The following MARCHF3 variants were observed in gnomAD, a reference collection of about 807,000 sequenced individuals.
MARCHF3 encodes E3 ubiquitin-protein ligase MARCHF3.
A neutral mutation model predicts 24.2 loss-of-function variants in MARCHF3; 13 were observed. That is an observed-to-expected ratio of 0.54 (90% CI 0.35 to 0.85). The LOEUF (loss-of-function observed/expected upper bound fraction) is 0.85, where lower values mean the gene tolerates loss of function less well. MARCHF3 is among the 40% of genes least tolerant of loss of function. The pLI is 0.01. For synonymous variants in MARCHF3, 144 were observed against 137.3 expected, an observed-to-expected ratio of 1.05 and a Z score of -0.34; for missense variants, 276 against 325.0, an observed-to-expected ratio of 0.85 and a Z score of 1.16.
At chr5:127,008,481 T>C (rs1752377340) in intron 1 of MARCHF3, among the ~76,000 whole-genome samples, 2 of 152,194 alleles carry the variant, frequency 1.3e-5, no homozygotes, top group Admixed American at 6.5e-5. Context: ...TCAATAAGTC[T>C]GTCTCACAGC....
chr5:126,911,039 C>G (rs747058310), intron 3 of MARCHF3, among the ~76,000 whole-genome samples: 5 of 152,154 alleles, frequency 3.3e-5, no homozygotes, highest in African/African-American at 4.8e-5. Flanking sequence ...TGTAGCACTC[C>G]CAGGCTTATT....
intron 4 of MARCHF3, among the ~76,000 whole-genome samples, 163 bp from the exon 5 acceptor site, chr5:126,870,954 G>C (rs1752946244): frequency 6.6e-6 from 1 of 152,234 alleles, no homozygotes; most frequent in Non-Finnish European, 1.5e-5. Context: ...AGTGAGTGTT[G>C]AGAGATTGGG....
intron 1 of MARCHF3, among the ~76,000 whole-genome samples, chr5:126,929,161 T>A (rs1444822881): frequency 1.3e-5 from 2 of 152,200 alleles, no homozygotes; most frequent in African/African-American, 4.8e-5. Context: ...CACGTAGAGG[T>A]CCTCTAGAGC....
chr5:126,946,933 C>T (rs1750044876), intron 1 of MARCHF3, among the ~76,000 whole-genome samples: 1 of 152,132 alleles, frequency 6.6e-6, no homozygotes, highest in African/African-American at 2.4e-5. Context: ...GTATGTGAAA[C>T]TGACTTTTAG....
chr5:126,876,545 T>C (rs1012987879), intron 4 of MARCHF3, among the ~76,000 whole-genome samples: 42 of 152,328 alleles, frequency 2.8e-4, no homozygotes, highest in Non-Finnish European at 5.1e-4. Context: ...ATAGTGCTGC[T>C]TAGACTCCTT....
At chr5:126,967,796 G>A (rs915348068) in intron 1 of MARCHF3, among the ~76,000 whole-genome samples, 1 of 152,122 alleles carries the variant, frequency 6.6e-6, no homozygotes, top group African/African-American at 2.4e-5. Context: ...CCAACCTGCT[G>A]CCTGTGTTTT....
chr5:127,004,233 T>G (rs922190669), intron 1 of MARCHF3, among the ~76,000 whole-genome samples: 1 of 152,174 alleles, frequency 6.6e-6, no homozygotes, highest in Non-Finnish European at 1.5e-5. Context: ...AATGATCTGC[T>G]CCCTATAAAT....
At chr5:126,927,622 C>T (rs1749338669) in intron 1 of MARCHF3, among the ~76,000 whole-genome samples, 1 of 152,196 alleles carries the variant, frequency 6.6e-6, no homozygotes, top group Admixed American at 6.5e-5. Context: ...CTGGCTCCAT[C>T]TGGACTTTTT....
intron 3 of MARCHF3, among the ~76,000 whole-genome samples, chr5:126,911,119 A>G (rs1754512394): frequency 6.6e-6 from 1 of 152,204 alleles, no homozygotes; most frequent in Non-Finnish European, 1.5e-5. Flanking sequence ...CTGTCTCCTG[A>G]TAAGATGTTA....
intron 1 of MARCHF3, among the ~76,000 whole-genome samples, chr5:126,992,721 T>C (rs74290639): frequency 0.05 from 7,581 of 151,174 alleles, 357 homozygotes; most frequent in South Asian, 0.13. Context: ...ATCAGAAGTC[T>C]ACAAGTCACT....
chr5:126,956,661 A>AAC, intron 1 of MARCHF3, among the ~76,000 whole-genome samples: 1 of 140,370 alleles, frequency 7.1e-6, no homozygotes, highest in South Asian at 2.2e-4. Flanking sequence ...AAAAAAAAAA[A>AAC]AAAAAAAAAA....
At chr5:126,981,523 G>C (rs1267761616) in intron 1 of MARCHF3, among the ~76,000 whole-genome samples, 1 of 152,178 alleles carries the variant, frequency 6.6e-6, no homozygotes, top group East Asian at 1.9e-4. Flanking sequence ...TAACTTCCTT[G>C]AGTCTTACTT....
intron 2 of MARCHF3, 70 bp from the exon 3 acceptor site, chr5:126,915,204 C>G (rs1754685017): frequency 1.3e-6 from 2 of 1,505,308 alleles, no homozygotes; most frequent in Admixed American, 1.8e-5. Flanking sequence ...GGCCCTCTAG[C>G]TCTTGTCCTT....
chr5:127,017,838 T>C (rs1752679509), intron 1 of MARCHF3, among the ~76,000 whole-genome samples: 1 of 152,162 alleles, frequency 6.6e-6, no homozygotes, highest in African/African-American at 2.4e-5. Context: ...TTAAATTTTA[T>C]AGGAAAAAAA....
intron 1 of MARCHF3, among the ~76,000 whole-genome samples, chr5:126,964,129 T>C (rs1192011135): frequency 6.6e-6 from 1 of 152,200 alleles, no homozygotes; most frequent in East Asian, 1.9e-4. Flanking sequence ...TGCCAGACCA[T>C]AACCTCTGCA....
At position 126,972,126 on chromosome 5, in the gene MARCHF3, T is replaced by C. The variant is rs957518312; in HGVS notation, c.-56-53899A>G. Among the ~76,000 whole-genome samples the C allele has an allele frequency of 3.3e-5, 5 of 152,102 alleles. No individual in the cohort carries two copies. The South Asian group carries it at 8.3e-4, about 25-fold the overall frequency. On this transcript the variant is annotated intron_variant, in intron 1 of 4. Transcript: ENST00000308660. ...AAGCTGTCATTATCCACACCAGTTA[T>C]ACCATTACTCTTGCTGCTTTCACAG...
At chr5:126,959,656 A>G (rs573448263) in intron 1 of MARCHF3, among the ~76,000 whole-genome samples, 2 of 152,328 alleles carry the variant, frequency 1.3e-5, no homozygotes, top group South Asian at 2.1e-4. Context: ...AAGAAGGTGC[A>G]AGGAATAGGG....
At chr5:126,898,747 A>G (rs1378651274) in intron 3 of MARCHF3, 15 of 555,496 alleles carry the variant, frequency 2.7e-5, no homozygotes, top group South Asian at 1.6e-4. Context: ...AGCATTTCAT[A>G]TAAGTTATAT....
intron 1 of MARCHF3, among the ~76,000 whole-genome samples, chr5:126,931,149 G>A (rs1463529196): frequency 1.3e-5 from 2 of 152,188 alleles, no homozygotes; most frequent in East Asian, 3.9e-4. Flanking sequence ...CACCAGTGTG[G>A]GGCTTGTTGC....
Sources: gnomAD v4.1 joint callset for allele counts (sites outside exome capture counted in the v4.1 genomes callset) on GRCh38, gnomAD v4.1.1 for gene constraint, MANE v1.5 for transcripts, NCBI Gene and HGNC (gene_info 2026-07-23, HGNC 2026-07-21) for gene names.